The following SYNPO2 variants were observed in gnomAD, a reference collection of about 807,000 sequenced individuals.
SYNPO2 encodes the protein synaptopodin 2, also known as synaptopodin-2.
A neutral mutation model predicts 85.0 loss-of-function variants in SYNPO2; 56 were observed. The observed-to-expected ratio is 0.66, with a 90% CI of 0.53 to 0.82. SYNPO2 has a LOEUF of 0.82. Ranked by LOEUF, SYNPO2 falls within the 40% of genes least tolerant of loss-of-function variation. The pLI is 0.00. For synonymous variants in SYNPO2, 602 were observed against 591.1 expected, an observed-to-expected ratio of 1.02 and a Z score of -0.27; for missense variants, 1,575 against 1,534.2, an observed-to-expected ratio of 1.03 and a Z score of -0.44.
At chr4:118,962,452 C>T (rs1735135054) in intron 1 of SYNPO2, among the ~76,000 whole-genome samples, 1 of 152,078 alleles carries the variant, frequency 6.6e-6, no homozygotes, top group Non-Finnish European at 1.5e-5. Flanking sequence ...AAGTTGGGAG[C>T]ACATGGAATA....
chr4:119,006,062 G>A (rs1311839881), intron 1 of SYNPO2: 1 of 153,064 alleles, frequency 6.5e-6, no homozygotes, highest in African/African-American at 2.4e-5. Flanking sequence ...TTAGCAACAG[G>A]AAGCTGCAGC....
intron 1 of SYNPO2, among the ~76,000 whole-genome samples, chr4:118,921,982 T>C (rs1193591145): frequency 6.6e-6 from 1 of 152,196 alleles, no homozygotes; most frequent in Non-Finnish European, 1.5e-5. Context: ...TAACACATTG[T>C]TTCACAATTA....
At chr4:119,002,322 G>A (rs991254103) in intron 1 of SYNPO2, among the ~76,000 whole-genome samples, 2 of 152,010 alleles carry the variant, frequency 1.3e-5, no homozygotes, top group Non-Finnish European at 1.5e-5. Flanking sequence ...GTGCAACGGC[G>A]TGATCTCAGC....
intron 1 of SYNPO2, among the ~76,000 whole-genome samples, chr4:118,984,306 C>T (rs977158586): frequency 2.0e-5 from 3 of 152,012 alleles, no homozygotes; most frequent in Non-Finnish European, 4.4e-5. Context: ...AATGCTGTGC[C>T]TTATAAATAC....
At chr4:118,913,743 T>G (rs1733218246) in intron 1 of SYNPO2, among the ~76,000 whole-genome samples, 1 of 152,188 alleles carries the variant, frequency 6.6e-6, no homozygotes, top group African/African-American at 2.4e-5. Flanking sequence ...CTCACCATCA[T>G]GGAAAGGGTT....
chr4:118,935,922 G>A (rs2149135218), intron 1 of SYNPO2, among the ~76,000 whole-genome samples: 1 of 152,184 alleles, frequency 6.6e-6, no homozygotes, highest in East Asian at 1.9e-4. Context: ...TGTTGCGTAG[G>A]AGGAAGAGGA....
chr4:118,945,370 A>G (rs1387542015), intron 1 of SYNPO2, among the ~76,000 whole-genome samples: 2 of 152,238 alleles, frequency 1.3e-5, no homozygotes, highest in Admixed American at 1.3e-4. Flanking sequence ...ATTATCCATG[A>G]CATAACCCTT....
In SYNPO2 at chr4:118,962,333, G is replaced by A. The variant is rs185853557; in HGVS notation, c.106-61097G>A. The stretch of plus-strand genomic sequence containing the variant: ...TGTTAATGCATCTTTGACATACTAT[G>A]CTTTTTTACTAGAGGCAGATGTGCC... On this transcript the variant is annotated intron_variant, in intron 1 of 4. Coordinates refer to ENST00000307142, the MANE Select transcript of SYNPO2 (RefSeq NM_133477.3). 3.3e-5 allele frequency among the ~76,000 whole-genome samples: 5 copies of A among 152,296 alleles called. No homozygotes were observed. In the East Asian group the frequency reaches 9.6e-4, roughly 29 times the overall value.
intron 1 of SYNPO2, among the ~76,000 whole-genome samples, chr4:118,908,090 A>G (rs917391974): frequency 6.6e-6 from 1 of 152,198 alleles, no homozygotes; most frequent in Non-Finnish European, 1.5e-5. Context: ...TGAGATGAAT[A>G]CTTTTGTATA....
intron 1 of SYNPO2, among the ~76,000 whole-genome samples, chr4:118,896,590 T>G (rs1426225326): frequency 2.0e-5 from 3 of 152,204 alleles, no homozygotes; most frequent in Non-Finnish European, 4.4e-5. Flanking sequence ...GAGAACATGT[T>G]TATGGTTTTG....
chr4:118,904,352 T>C (rs1359177657), intron 1 of SYNPO2, among the ~76,000 whole-genome samples: 1 of 152,208 alleles, frequency 6.6e-6, no homozygotes, highest in Non-Finnish European at 1.5e-5. Flanking sequence ...CCGGATGTCA[T>C]TGGAAGGGCT....
chr4:118,902,843 A>T (rs1560844135), intron 1 of SYNPO2, among the ~76,000 whole-genome samples: 1 of 152,188 alleles, frequency 6.6e-6, no homozygotes, highest in African/African-American at 2.4e-5. Context: ...AGAGTTTAAA[A>T]ATTATTATTA....
chr4:119,050,768 G>A (rs555990843), intron 4 of SYNPO2, among the ~76,000 whole-genome samples: 4 of 152,274 alleles, frequency 2.6e-5, no homozygotes, highest in African/African-American at 4.8e-5. Context: ...GTGTGCTCTC[G>A]TGGGTTGAAT....
rs1733117789 is a variant in SYNPO2 at position 118,911,007 on chromosome 4, C to G, written c.105+21866C>G. 1.3e-5 allele frequency among the ~76,000 whole-genome samples: 2 copies of G among 152,112 alleles called. 1 individual carries two copies. The highest frequency in any genetic ancestry group is 4.1e-4 in the South Asian group (2 of 4,822). On this transcript the variant is annotated intron_variant, in intron 1 of 4. Coordinates refer to ENST00000307142, the MANE Select transcript of SYNPO2 (RefSeq NM_133477.3). ...TTTTGACTTTTCCCAAGTGTATGTACTTTTCCCCATAGAAAATGGCGAGTC... is the reference window on the plus strand; with the variant it reads ...TTTTGACTTTTCCCAAGTGTATGTAGTTTTCCCCATAGAAAATGGCGAGTC...
chr4:119,037,372 G>A (rs926123107), intron 4 of SYNPO2: 9 of 1,232,670 alleles, frequency 7.3e-6, no homozygotes, highest in Non-Finnish European at 9.1e-6. Flanking sequence ...GTTTGTACTT[G>A]GCCCTGAGTT....
intron 1 of SYNPO2, among the ~76,000 whole-genome samples, chr4:118,970,699 A>T (rs1309881743): frequency 6.6e-6 from 1 of 152,180 alleles, no homozygotes; most frequent in East Asian, 1.9e-4. Flanking sequence ...AAAATAGAGA[A>T]AGCTACAAAC....
intron 1 of SYNPO2, among the ~76,000 whole-genome samples, chr4:118,955,977 G>T (rs1734860654): frequency 6.6e-6 from 1 of 152,128 alleles, no homozygotes; most frequent in East Asian, 1.9e-4. Flanking sequence ...TAAAAGGAAG[G>T]CATCAATCCT....
intron 1 of SYNPO2, among the ~76,000 whole-genome samples, chr4:119,017,822 GAC>G (rs1324484600): frequency 6.6e-6 from 1 of 152,090 alleles, no homozygotes; most frequent in Admixed American, 6.5e-5. Context: ...CAGCTCCTGA[GAC>G]AAAATTTAGT....
At chr4:119,027,544 G>A in intron 3 of SYNPO2, 106 bp downstream of exon 3, 1 of 1,098,284 alleles carries the variant, frequency 9.1e-7, no homozygotes, top group Non-Finnish European at 1.2e-6. Context: ...GTTTCTCATT[G>A]GCTTAAAGAA....
Sources: gnomAD v4.1 joint callset for allele counts (sites outside exome capture counted in the v4.1 genomes callset) on GRCh38, gnomAD v4.1.1 for gene constraint, MANE v1.5 for transcripts, NCBI Gene and HGNC (gene_info 2026-07-23, HGNC 2026-07-21) for gene names.